Variants in STARD6 observed in about 807,000 individuals in gnomAD.
STARD6 encodes the protein stAR-related lipid transfer protein 6.
Under a neutral mutation model 22.3 loss-of-function variants are expected in STARD6, and 21 were observed. The observed-to-expected ratio is 0.94, with a 90% CI of 0.67 to 1.35. STARD6 has a LOEUF of 1.35. Ranked by LOEUF, STARD6 falls within the 40% of genes most tolerant of loss-of-function variation. The pLI is 0.00. For missense variants in STARD6, 269 were observed against 266.9 expected, an observed-to-expected ratio of 1.01 and a Z score of -0.05; for synonymous variants, 80 against 88.1, an observed-to-expected ratio of 0.91 and a Z score of 0.52.
intron 1 of STARD6, among the ~76,000 whole-genome samples, 152 bp downstream of exon 1, chr18:54,357,627 TCCCCTCCCGCAGA>T (rs2089167394): frequency 6.6e-6 from 1 of 151,728 alleles, no homozygotes; most frequent in Non-Finnish European, 1.5e-5. Flanking sequence ...CCCCACCCAG[TCCCCTCCCGCAGA>T]CCCCGGGGCC....
chr18:54,357,477 C>A (rs1005451140), intron 1 of STARD6, among the ~76,000 whole-genome samples: 5 of 152,098 alleles, frequency 3.3e-5, no homozygotes, highest in Non-Finnish European at 5.9e-5. Flanking sequence ...GGGGGGACTG[C>A]CTACTAGCTG....
intron 7 of STARD6, among the ~76,000 whole-genome samples, chr18:54,328,374 C>G (rs1276917487): frequency 6.6e-6 from 1 of 152,156 alleles, no homozygotes; most frequent in Non-Finnish European, 1.5e-5. Flanking sequence ...CTAGTCCATG[C>G]CAGCAGTTGA....
intron 6 of STARD6, among the ~76,000 whole-genome samples, chr18:54,329,807 T>C (rs1304276690): frequency 1.4e-4 from 22 of 151,970 alleles, no homozygotes; most frequent in Non-Finnish European, 3.1e-4. Context: ...GAGTGAAAAC[T>C]GTTAACTGGC....
chr18:54,341,603 T>C (rs1320900820), intron 4 of STARD6, among the ~76,000 whole-genome samples: 3 of 152,202 alleles, frequency 2.0e-5, no homozygotes, highest in Non-Finnish European at 4.4e-5. Flanking sequence ...AATTAAATTT[T>C]AACAACAGAA....
intron 4 of STARD6, among the ~76,000 whole-genome samples, chr18:54,337,813 C>A (rs1470767061): frequency 6.6e-6 from 1 of 152,134 alleles, no homozygotes; most frequent in Non-Finnish European, 1.5e-5. Context: ...AAGAAAAGTA[C>A]AAATTACAGT....
intron 5 of STARD6, among the ~76,000 whole-genome samples, chr18:54,335,139 G>A (rs1224001197): frequency 6.6e-6 from 1 of 151,898 alleles, no homozygotes; most frequent in Non-Finnish European, 1.5e-5. Context: ...TGGAAGAGAG[G>A]AGAATCATCC....
intron 6 of STARD6, among the ~76,000 whole-genome samples, chr18:54,330,785 C>A (rs1401130778): frequency 6.6e-6 from 1 of 152,048 alleles, no homozygotes; most frequent in Non-Finnish European, 1.5e-5. Context: ...TAGAAATGGT[C>A]TGCTTTCAAA....
At chr18:54,356,728 G>A (rs1407871143) in intron 1 of STARD6, among the ~76,000 whole-genome samples, 2 of 152,144 alleles carry the variant, frequency 1.3e-5, no homozygotes, top group East Asian at 1.9e-4. Flanking sequence ...TTAAGCTTAC[G>A]TCACTAACAA....
At chr18:54,340,502 T>C (rs2088960154) in intron 4 of STARD6, among the ~76,000 whole-genome samples, 1 of 152,034 alleles carries the variant, frequency 6.6e-6, no homozygotes, top group Admixed American at 6.5e-5. Context: ...AGGAACAAAA[T>C]AGCCATGAGA....
intron 6 of STARD6, among the ~76,000 whole-genome samples, chr18:54,329,644 C>G (rs548706322): frequency 6.6e-6 from 1 of 152,010 alleles, no homozygotes; most frequent in African/African-American, 2.4e-5. Flanking sequence ...GAACTTTTTC[C>G]TGCTAGTTAT....
intron 4 of STARD6, among the ~76,000 whole-genome samples, chr18:54,346,492 T>G (rs2089037440): frequency 6.6e-6 from 1 of 152,082 alleles, no homozygotes; most frequent in Non-Finnish European, 1.5e-5. Context: ...GTCTCTAAAA[T>G]GATCTAGTAG....
intron 7 of STARD6, among the ~76,000 whole-genome samples, chr18:54,326,882 G>A (rs1406828297): frequency 6.6e-6 from 1 of 152,044 alleles, no homozygotes; most frequent in African/African-American, 2.4e-5. Context: ...TAGTAGACTT[G>A]ATATTGAATG....
At chr18:54,351,548 C>T (rs1441751498) in intron 4 of STARD6, among the ~76,000 whole-genome samples, 3 of 152,160 alleles carry the variant, frequency 2.0e-5, no homozygotes, top group African/African-American at 7.2e-5. Flanking sequence ...ATGCTTTCAA[C>T]TTTTCCCTGT....
At chr18:54,335,522 A>C (rs886609728) in intron 5 of STARD6, among the ~76,000 whole-genome samples, 1 of 152,064 alleles carries the variant, frequency 6.6e-6, no homozygotes, top group African/African-American at 2.4e-5. Flanking sequence ...CATGGCCTTA[A>C]TACATAAATG....
chr18:54,337,512 A>G (rs2088927145), intron 4 of STARD6, among the ~76,000 whole-genome samples: 1 of 152,180 alleles, frequency 6.6e-6, no homozygotes, highest in African/African-American at 2.4e-5. Context: ...GGGGAGTCAA[A>G]ACTTATAATG....
chr18:54,354,013 T>C (rs752754163), intron 4 of STARD6, 41 bp downstream of exon 4: 1 of 1,304,982 alleles, frequency 7.7e-7, no homozygotes, highest in African/African-American at 1.5e-5. Flanking sequence ...TCAATGGCAT[T>C]GAATTTAAAA....
chr18:54,330,051 G>C (rs2088853763), intron 6 of STARD6, among the ~76,000 whole-genome samples: 1 of 151,562 alleles, frequency 6.6e-6, no homozygotes, highest in Admixed American at 6.6e-5. Flanking sequence ...TGCAGAGGGG[G>C]GTGGTTTATG....
intron 7 of STARD6, among the ~76,000 whole-genome samples, chr18:54,328,381 T>A (rs1214851482): frequency 6.6e-6 from 1 of 152,204 alleles, no homozygotes; most frequent in Non-Finnish European, 1.5e-5. Flanking sequence ...ATGCCAGCAG[T>A]TGATTTACCT....
Position 54,329,377 on chromosome 18 carries a change from G to C in STARD6, c.449C>G (p.Pro150Arg). 6.2e-7 allele frequency: 1 copy of C among 1,604,150 alleles called. No individual in the cohort carries two copies. Among genetic ancestry groups the C allele is most frequent in the Non-Finnish European group, 8.5e-7 (1 of 1,176,256 alleles). The change falls in exon 7 of 8, where the codon CCT becomes CGT. Residue 150 changes from proline (P) to arginine (R), a missense_variant. By Grantham distance (103) the Pro-to-Arg change is moderately radical. Coordinates refer to ENST00000307844, the MANE Select transcript of STARD6 (RefSeq NM_139171.2). ...CATTGGTGAACATACAAAGCCACAAGGATGGTTATAACCGCGGATATAATT... is the reference window on the plus strand; with the variant it reads ...CATTGGTGAACATACAAAGCCACAACGATGGTTATAACCGCGGATATAATT... ...SSNYIRGYNHPCGFVCSPMEE... is the reference protein window; with the variant it reads ...SSNYIRGYNHRCGFVCSPMEE...
Sources: gnomAD v4.1 joint callset for allele counts (sites outside exome capture counted in the v4.1 genomes callset) on GRCh38, gnomAD v4.1.1 for gene constraint, MANE v1.5 for transcripts, NCBI Gene and HGNC (gene_info 2026-07-23, HGNC 2026-07-21) for gene names.